NUMB: variants seen among roughly 807,000 people sequenced by gnomAD.
The protein encoded by NUMB is NUMB endocytic adaptor protein.
A neutral mutation model predicts 59.7 loss-of-function variants in NUMB; 29 were observed. That is an observed-to-expected ratio of 0.49 (90% CI 0.36 to 0.66). The LOEUF (loss-of-function observed/expected upper bound fraction) is 0.66. Among genes scored for constraint, NUMB ranks in the 30% least tolerant of loss-of-function variants. The pLI, the probability that NUMB is intolerant of heterozygous loss-of-function variation, is 0.00. For synonymous variants in NUMB, 288 were observed against 288.2 expected, an observed-to-expected ratio of 1.00 and a Z score of 0.01; for missense variants, 723 against 822.0, an observed-to-expected ratio of 0.88 and a Z score of 1.47.
chr14:73,451,052 G>A (rs1883900830), intron 1 of NUMB, among the ~76,000 whole-genome samples: 1 of 148,800 alleles, frequency 6.7e-6, no homozygotes, highest in South Asian at 2.1e-4. Flanking sequence ...TACTTGAGAG[G>A]CTGAGGCAGG....
chr14:73,331,559 T>C (rs992187531), intron 4 of NUMB, among the ~76,000 whole-genome samples: 1 of 151,154 alleles, frequency 6.6e-6, no homozygotes, highest in African/African-American at 2.4e-5. Flanking sequence ...AAAAAAAAAA[T>C]TTTTTTTCTT....
At chr14:73,456,556 G>A (rs967647975) in intron 1 of NUMB, among the ~76,000 whole-genome samples, 2 of 152,204 alleles carry the variant, frequency 1.3e-5, no homozygotes, top group African/African-American at 4.8e-5. Context: ...TGCAATGTCA[G>A]TTTATTCTGT....
intron 5 of NUMB, among the ~76,000 whole-genome samples, chr14:73,322,621 T>C (rs933935014): frequency 1.3e-5 from 2 of 152,150 alleles, no homozygotes; most frequent in African/African-American, 4.8e-5. Flanking sequence ...CCCTAATTTA[T>C]AGCCCAGTTA....
At chr14:73,453,973 C>CA (rs202127401) in intron 1 of NUMB, among the ~76,000 whole-genome samples, 1 of 151,692 alleles carries the variant, frequency 6.6e-6, no homozygotes, top group Non-Finnish European at 1.5e-5. Flanking sequence ...AATAAGATAG[C>CA]AAAAAAATTT....
intron 1 of NUMB, among the ~76,000 whole-genome samples, chr14:73,420,545 C>T (rs1216844295): frequency 6.6e-6 from 1 of 152,100 alleles, no homozygotes; most frequent in Non-Finnish European, 1.5e-5. Flanking sequence ...TTAGGCCAGG[C>T]ACAGTGGCTC....
chr14:73,309,213 G>C (rs1194998324), intron 6 of NUMB, among the ~76,000 whole-genome samples: 1 of 152,036 alleles, frequency 6.6e-6, no homozygotes, highest in Non-Finnish European at 1.5e-5. Context: ...CACTTTTAAA[G>C]AATAGGATCC....
chr14:73,322,706 C>G (rs1171478002), intron 5 of NUMB: 1 of 152,232 alleles, frequency 6.6e-6, no homozygotes, highest in Non-Finnish European at 1.5e-5. Context: ...TCAGATTTCA[C>G]AACATTTGTT....
intron 3 of NUMB, among the ~76,000 whole-genome samples, chr14:73,356,572 G>A (rs942346213): frequency 1.3e-5 from 2 of 152,208 alleles, no homozygotes; most frequent in African/African-American, 4.8e-5. Context: ...GAACTCAAGA[G>A]GTGGAGGTTG....
At chr14:73,356,663 G>GA (rs1045784282) in intron 3 of NUMB, among the ~76,000 whole-genome samples, 7 of 151,658 alleles carry the variant, frequency 4.6e-5, no homozygotes, top group Admixed American at 1.3e-4. Context: ...CACACTTAAA[G>GA]AAAAAAAATG....
chr14:73,375,301 G>A (rs1186891047), intron 2 of NUMB, among the ~76,000 whole-genome samples: 2 of 152,120 alleles, frequency 1.3e-5, no homozygotes, highest in Admixed American at 6.6e-5. Flanking sequence ...CAGCTATTAA[G>A]AGACTTATGT....
At chr14:73,374,150 G>A (rs1221634082) in intron 2 of NUMB, among the ~76,000 whole-genome samples, 4 of 152,062 alleles carry the variant, frequency 2.6e-5, no homozygotes, top group South Asian at 2.1e-4. Flanking sequence ...GATTATAGGC[G>A]TGAGCCACCA....
chr14:73,425,809 AT>A (rs71112753), intron 1 of NUMB, among the ~76,000 whole-genome samples: 308 of 138,106 alleles, frequency 2.2e-3, no homozygotes, highest in South Asian at 6.2e-3. Context: ...ATTTTATTTA[AT>A]TTTTTTTTTT....
At chr14:73,377,237 C>T (rs1378574292) in intron 2 of NUMB, among the ~76,000 whole-genome samples, 1 of 152,104 alleles carries the variant, frequency 6.6e-6, no homozygotes, top group East Asian at 1.9e-4. Flanking sequence ...ATAAGCTGGA[C>T]TTCATTAAAA....
At chr14:73,277,480 C>T (rs546936603) in intron 12 of NUMB, among the ~76,000 whole-genome samples, 187 bp from the exon 13 acceptor site, 2 of 152,278 alleles carry the variant, frequency 1.3e-5, no homozygotes, top group African/African-American at 4.8e-5. Context: ...ATGAAGAAAA[C>T]TTGTCAAGAC....
rs1888148471 is a variant in NUMB, at chr14:73,276,290, C to CCTCT, written c.*284_*287dup. The CCTCT allele has an allele frequency of 3.0e-6, 1 of 333,880 alleles. No homozygotes were observed. Among genetic ancestry groups the CCTCT allele is most frequent in the African/African-American group, 2.1e-5 (1 of 47,872 alleles). The allele number at this position is 333,880 out of a possible 1,614,324, so 20.7% of individuals were successfully genotyped here. On this transcript the variant is annotated 3_prime_UTR_variant, in exon 13 of 13. Coordinates refer to ENST00000555238, the MANE Select transcript of NUMB (RefSeq NM_001005743.2). ...TATAGATTCTTGTTCAGATACTTTG[C>CCTCT]CTCTCTGTTGCCAGAGATTTGTAAG...
Position 73,355,302 on chromosome 14 carries a change from T to C in NUMB, c.126+324A>G, listed in dbSNP as rs189286655. On this transcript the variant is annotated intron_variant, in intron 4 of 12. Transcript: ENST00000555238. ...CCTCAGCTTCACCAGTTAGTAAGCA[T>C]ATTCCACTGAAAATTTGAGTCCTGA... Among the ~76,000 whole-genome samples, 479 of 152,314 alleles carry C rather than the reference T, an allele frequency of 3.1e-3. 6 individuals are homozygous for C. The highest frequency in any genetic ancestry group is 2.1e-3 in the South Asian group (10 of 4,830).
intron 2 of NUMB, among the ~76,000 whole-genome samples, chr14:73,380,684 C>T (rs1895184913): frequency 6.7e-6 from 1 of 150,138 alleles, no homozygotes; most frequent in Admixed American, 6.6e-5. Context: ...TATGATAATA[C>T]TAATAAGCAC....
chr14:73,278,034 A>T (rs1452961313), intron 12 of NUMB, among the ~76,000 whole-genome samples: 1 of 117,854 alleles, frequency 8.5e-6, no homozygotes, highest in African/African-American at 3.4e-5. Flanking sequence ...TGACACAGCG[A>T]GACTCCGTCT....
chr14:73,374,100 C>T (rs1894833846), intron 2 of NUMB, among the ~76,000 whole-genome samples: 1 of 152,092 alleles, frequency 6.6e-6, no homozygotes, highest in Non-Finnish European at 1.5e-5. Context: ...GAACCCCTGA[C>T]CTTAGGTGAT....
Sources: gnomAD v4.1 joint callset for allele counts (sites outside exome capture counted in the v4.1 genomes callset) on GRCh38, gnomAD v4.1.1 for gene constraint, MANE v1.5 for transcripts, NCBI Gene and HGNC (gene_info 2026-07-23, HGNC 2026-07-21) for gene names.